The following WFDC9 variants were observed in gnomAD, a reference collection of about 807,000 sequenced individuals.
The protein encoded by WFDC9 is WAP four-disulfide core domain 9.
WFDC9 carries 9 observed loss-of-function variants against 9.5 expected under a neutral mutation model. The ratio of observed to expected loss-of-function variants is 0.95; its 90% CI spans 0.57 to 1.65. WFDC9 has a LOEUF of 1.65. Among genes scored for constraint, WFDC9 ranks in the 40% most tolerant of loss-of-function variants. The pLI is 0.00. For synonymous variants in WFDC9, 33 were observed against 32.3 expected (o/e 1.02, Z -0.07); for missense variants, 87 against 106.7 (o/e 0.82, Z 0.81).
intron 1 of WFDC9, 59 bp from the exon 2 acceptor site, chr20:45,614,780 G>C (rs999347980): frequency 9.9e-5 from 15 of 152,268 alleles, no homozygotes; most frequent in Admixed American, 9.8e-4. Flanking sequence ...TGGTGATTTT[G>C]GTTGTGACCG....
At chr20:45,617,137 G>A (rs2145597890) in intron 1 of WFDC9, among the ~76,000 whole-genome samples, 1 of 152,222 alleles carries the variant, frequency 6.6e-6, no homozygotes, top group Middle Eastern at 3.4e-3. Context: ...TGGGAGTTAG[G>A]GGTACTGAAC....
intron 2 of WFDC9, 98 bp downstream of exon 2, chr20:45,614,530 C>G (rs45497891): frequency 1.3e-5 from 2 of 152,126 alleles, no homozygotes; most frequent in African/African-American, 4.8e-5. Flanking sequence ...AAACAATAAT[C>G]CCTACCTCAC....
chr20:45,610,102 T>G lies in WFDC9; in HGVS notation c.80A>C (p.Asn27Thr), dbSNP rs2245898. Residue 27 changes from asparagine to threonine, a missense_variant, in exon 3 of 5, where the codon AAC becomes ACC. By Grantham distance (65) the Asn-to-Thr change is moderately conservative (BLOSUM62 0). Coordinates refer to ENST00000326000, the MANE Select transcript of WFDC9 (RefSeq NM_147198.4). ...TTCACACCACCCACAGGGATCTTTG[T>G]TCCAGAAGCTTCCCAGCACAGGCAG... ...MLLPVLGSFW[N>T]KDPFLDMIRE... The G allele has an allele frequency of 0.33, 530,551 of 1,613,144 alleles. 88,674 individuals are homozygous for G. Among genetic ancestry groups the G allele is most frequent in the South Asian group, 0.41 (37,103 of 91,028 alleles).
At chr20:45,630,938 T>C (rs374193789) in intron 1 of WFDC9, 17 of 1,612,692 alleles carry the variant, frequency 1.1e-5, no homozygotes, top group Middle Eastern at 1.6e-4. Flanking sequence ...CAAACACTTA[T>C]GTGAATCTCA....
intron 1 of WFDC9, among the ~76,000 whole-genome samples, chr20:45,627,602 G>C (rs1340083639): frequency 6.6e-6 from 1 of 152,110 alleles, no homozygotes; most frequent in African/African-American, 2.4e-5. Flanking sequence ...GAATTATAAA[G>C]GATATCACAA....
At position 45,627,203 on chromosome 20, in the gene WFDC9, G is replaced by T. The variant is rs577702831; in HGVS notation, c.-153+4000C>A. ...TGCCACATTATCTTTTTGATGTGTT[G>T]TTGAATTGGGTTTGTTAGTATTTTG... is the stretch of plus-strand genomic sequence containing the variant. On this transcript the variant is annotated intron_variant, in intron 1 of 4. Transcript: ENST00000326000. Among the ~76,000 whole-genome samples the T allele has an allele frequency of 3.5e-3, 537 of 152,192 alleles. 1 individual carries two copies. Among genetic ancestry groups the T allele is most frequent in the African/African-American group, 0.012 (504 of 41,516 alleles).
intron 1 of WFDC9, among the ~76,000 whole-genome samples, chr20:45,618,111 C>T (rs58505725): frequency 6.6e-6 from 1 of 152,114 alleles, no homozygotes; most frequent in Non-Finnish European, 1.5e-5. Flanking sequence ...CTTCACATTG[C>T]CCTTTTGTGT....
chr20:45,628,558 A>G (rs1352288375), intron 1 of WFDC9, among the ~76,000 whole-genome samples: 1 of 152,346 alleles, frequency 6.6e-6, no homozygotes, highest in East Asian at 1.9e-4. Flanking sequence ...TTGTTCATTT[A>G]TGAGTGGACA....
intron 1 of WFDC9, among the ~76,000 whole-genome samples, chr20:45,623,870 C>T (rs988959612): frequency 6.6e-6 from 1 of 152,160 alleles, no homozygotes; most frequent in Non-Finnish European, 1.5e-5. Context: ...ACTTATTCCT[C>T]CTGTCTAGCT....
At chr20:45,609,766 G>A (rs1477681629) in intron 3 of WFDC9, among the ~76,000 whole-genome samples, 2 of 152,086 alleles carry the variant, frequency 1.3e-5, no homozygotes, top group Non-Finnish European at 2.9e-5. Flanking sequence ...ACCCAACTGA[G>A]GCACAAAGGT....
intron 2 of WFDC9, among the ~76,000 whole-genome samples, chr20:45,612,319 T>A (rs1177476547): frequency 6.6e-6 from 1 of 152,130 alleles, no homozygotes; most frequent in Non-Finnish European, 1.5e-5. Context: ...ACTCAATAAG[T>A]ACTTATTAAG....
intron 1 of WFDC9, chr20:45,630,928 C>A (rs764422055): frequency 6.2e-7 from 1 of 1,612,286 alleles, no homozygotes; most frequent in Admixed American, 1.7e-5. Context: ...TATATCTATG[C>A]AAACACTTAT....
intron 1 of WFDC9, among the ~76,000 whole-genome samples, chr20:45,627,032 T>A (rs1358439338): frequency 6.6e-6 from 1 of 152,246 alleles, no homozygotes; most frequent in Non-Finnish European, 1.5e-5. Context: ...CATAAAGTGG[T>A]GTTGAATTTT....
At chr20:45,631,020 T>A (rs1436435341) in intron 1 of WFDC9, 183 bp downstream of exon 1, 1 of 1,594,262 alleles carries the variant, frequency 6.3e-7, no homozygotes, top group African/African-American at 1.3e-5. Context: ...ATCCTGTGAG[T>A]GGGAGAGTGG....
intron 1 of WFDC9, among the ~76,000 whole-genome samples, chr20:45,617,526 GTTTTAT>G (rs1981999699): frequency 1.3e-5 from 2 of 152,142 alleles, no homozygotes; most frequent in South Asian, 4.1e-4. Flanking sequence ...ATAGCCCACT[GTTTTAT>G]TTTTAATTTT....
At chr20:45,614,207 T>C (rs1981924196) in intron 2 of WFDC9, among the ~76,000 whole-genome samples, 1 of 152,146 alleles carries the variant, frequency 6.6e-6, no homozygotes, top group African/African-American at 2.4e-5. Flanking sequence ...CACCCTCAAG[T>C]GTACTAAATG....
Position 45,608,657 on chromosome 20 carries a change from A to C in WFDC9, c.239+6T>G, listed in dbSNP as rs571275103. ...GGCCCTAGCCTTCCCACCCCAACCA[A>C]CTCACTCGTTGTCTAAGCAGATGTT... On this transcript the variant is annotated splice_donor_region_variant and intron_variant, in intron 4 of 4. Coordinates refer to ENST00000326000, the MANE Select transcript of WFDC9 (RefSeq NM_147198.4). 1.4e-5 allele frequency: 22 copies of C among 1,610,046 alleles called. No individual in the cohort carries two copies. The African/African-American group carries it at 2.7e-4, about 20-fold the overall frequency.
intron 1 of WFDC9, among the ~76,000 whole-genome samples, chr20:45,616,045 T>C (rs75439883): frequency 1.1e-3 from 152 of 138,362 alleles, no homozygotes; most frequent in South Asian, 3.0e-3. Flanking sequence ...GGCAATTTAT[T>C]AAAATAAGAA....
chr20:45,631,054 C>A, intron 1 of WFDC9, 149 bp downstream of exon 1: 1 of 1,561,638 alleles, frequency 6.4e-7, no homozygotes, highest in South Asian at 1.2e-5. Flanking sequence ...TCCTGCTTCC[C>A]AACTCCTCTA....
Sources: gnomAD v4.1 joint callset for allele counts (sites outside exome capture counted in the v4.1 genomes callset) on GRCh38, gnomAD v4.1.1 for gene constraint, MANE v1.5 for transcripts, NCBI Gene and HGNC (gene_info 2026-07-23, HGNC 2026-07-21) for gene names.